The following KYNU variants were observed in gnomAD, a reference collection of about 807,000 sequenced individuals.
KYNU encodes L-kynurenine hydrolase.
A neutral mutation model predicts 59.2 loss-of-function variants in KYNU; 54 were observed. The observed-to-expected ratio is 0.91, with a 90% CI of 0.73 to 1.14. The LOEUF (loss-of-function observed/expected upper bound fraction) is 1.14, where lower values mean the gene tolerates loss of function less well. Among genes scored for constraint, KYNU ranks in the 50% most tolerant of loss-of-function variants. The probability of loss-of-function intolerance (pLI) is 0.00; values close to 1 mark genes in which losing one functional copy is unlikely to be tolerated. For missense variants in KYNU, 567 were observed against 554.4 expected (o/e 1.02, Z -0.23); for synonymous variants, 177 against 192.0 (o/e 0.92, Z 0.65).
At chr2:142,964,722 T>C (rs1267845000) in intron 8 of KYNU, 1 of 152,172 alleles carries the variant, frequency 6.6e-6, no homozygotes, top group East Asian at 1.9e-4. Flanking sequence ...AGAAGAAAAC[T>C]AATTAATAAA....
Position 142,885,293 on chromosome 2 carries a change from T to G in KYNU, c.-19-56T>G. On this transcript the variant is annotated intron_variant, in intron 1 of 13. Coordinates refer to ENST00000264170, the MANE Select transcript of KYNU (RefSeq NM_003937.3). ...ACAAAAGGTGTATTACCTAAAGGGC[T>G]CATTTTCTACAGGAAAATTATGGTG... is the stretch of plus-strand genomic sequence containing the variant. 6 of 1,445,696 alleles carry G rather than the reference T, an allele frequency of 4.2e-6. No individual in the cohort carries two copies. The South Asian group carries it at 5.9e-5, about 14-fold the overall frequency. 89.6% of individuals were successfully genotyped at this position (1,445,696 alleles called of 1,614,324 possible).
chr2:142,878,971 T>C (rs1353021183), intron 1 of KYNU, among the ~76,000 whole-genome samples: 3 of 152,242 alleles, frequency 2.0e-5, no homozygotes, highest in African/African-American at 7.2e-5. Flanking sequence ...ATGGTATGTA[T>C]GTCCCCCGTC....
chr2:142,953,833 T>C (rs891032364), intron 4 of KYNU, among the ~76,000 whole-genome samples: 1 of 152,172 alleles, frequency 6.6e-6, no homozygotes, highest in Non-Finnish European at 1.5e-5. Flanking sequence ...AAATATAAAT[T>C]CTTAAATTAT....
intron 5 of KYNU, among the ~76,000 whole-genome samples, chr2:142,955,972 T>TC (rs1684148152): frequency 6.6e-6 from 1 of 152,092 alleles, no homozygotes; most frequent in Non-Finnish European, 1.5e-5. Context: ...ATTCACATTT[T>TC]CCCCCGAGTT....
chr2:142,938,248 TA>T (rs1487745635), intron 4 of KYNU, among the ~76,000 whole-genome samples: 1 of 152,226 alleles, frequency 6.6e-6, no homozygotes, highest in African/African-American at 2.4e-5. Flanking sequence ...TCCAAAACAG[TA>T]TCCTCCCATA....
intron 4 of KYNU, among the ~76,000 whole-genome samples, chr2:142,937,946 G>A (rs1205948271): frequency 5.3e-5 from 8 of 152,230 alleles, no homozygotes; most frequent in Non-Finnish European, 1.2e-4. Flanking sequence ...AGTCATTGAT[G>A]TAACTATCAC....
At chr2:143,031,452 C>T (rs757419470) in intron 11 of KYNU, among the ~76,000 whole-genome samples, 1 of 152,064 alleles carries the variant, frequency 6.6e-6, no homozygotes, top group African/African-American at 2.4e-5. Context: ...GGGCCTGGCA[C>T]GAAGACTCAC....
rs6710666 is a variant in KYNU at position 142,932,041 on chromosome 2, G to A, written c.373+4300G>A. On this transcript the variant is annotated intron_variant, in intron 4 of 13. Transcript: ENST00000264170. The stretch of plus-strand genomic sequence containing the variant: ...TGAGTGAGGTTTACTTGCCATTCTT[G>A]CCTTGGTACCTGGCCCCAGGCTTGG... Among the ~76,000 whole-genome samples the A allele has an allele frequency of 7.7e-3, 1,176 of 152,264 alleles. 14 individuals carry two copies. Among genetic ancestry groups the A allele is most frequent in the African/African-American group, 0.027 (1,102 of 41,552 alleles).
In KYNU at chr2:143,050,413, G is replaced by C. The variant is rs997421803; in HGVS notation, c.*8241G>C. On this transcript the variant is annotated 3_prime_UTR_variant, in exon 14 of 14. Transcript: ENST00000264170. ...ACGCGATGTTTGGTTTTCTGTTCCT[G>C]TGTTAATTTGCTGAGGATGATAGCT... is the stretch of plus-strand genomic sequence containing the variant. The C allele has an allele frequency of 1.3e-5, 2 of 152,010 alleles. No individual in the cohort carries two copies. Among genetic ancestry groups the C allele is most frequent in the South Asian group, 4.1e-4 (2 of 4,828 alleles). 9.4% of individuals were successfully genotyped at this position (152,010 alleles called of 1,614,324 possible).
chr2:142,924,656 GAA>G (rs1247470331), intron 3 of KYNU, among the ~76,000 whole-genome samples: 3 of 152,132 alleles, frequency 2.0e-5, no homozygotes, highest in Non-Finnish European at 4.4e-5. Context: ...AGATGTCTCA[GAA>G]AACACCCACT....
At chr2:142,947,369 G>A in intron 4 of KYNU, 1 of 787,642 alleles carries the variant, frequency 1.3e-6, no homozygotes, top group Non-Finnish European at 1.9e-6. Flanking sequence ...TTACTGTACT[G>A]TGTCTTTTTA....
At chr2:142,932,521 G>A (rs1458801077) in intron 4 of KYNU, among the ~76,000 whole-genome samples, 7 of 152,190 alleles carry the variant, frequency 4.6e-5, no homozygotes, top group Admixed American at 1.3e-4. Context: ...CTGATAGCTT[G>A]AAGGAGTTTG....
intron 10 of KYNU, among the ~76,000 whole-genome samples, chr2:143,029,085 T>C (rs1686664813): frequency 6.6e-6 from 1 of 152,178 alleles, no homozygotes. Context: ...AAACCGGTCA[T>C]TAACTATAAC....
intron 8 of KYNU, among the ~76,000 whole-genome samples, chr2:142,983,207 C>T (rs1685099734): frequency 6.6e-6 from 1 of 151,980 alleles, no homozygotes; most frequent in Non-Finnish European, 1.5e-5. Context: ...AGATTGAGTT[C>T]AGGTGAGGAT....
At chr2:142,974,337 A>T (rs1317801824) in intron 8 of KYNU, among the ~76,000 whole-genome samples, 2 of 152,246 alleles carry the variant, frequency 1.3e-5, no homozygotes, top group East Asian at 1.9e-4. Context: ...TATTCCTCTC[A>T]TGCTCAGTAA....
In KYNU at chr2:143,011,877, C is replaced by T. The variant is rs867714788; in HGVS notation, c.903-17750C>T. 5.0e-3 allele frequency among the ~76,000 whole-genome samples: 673 copies of T among 133,376 alleles called. 7 individuals carry two copies. Among genetic ancestry groups the T allele is most frequent in the African/African-American group, 0.019 (636 of 34,216 alleles). The allele number at this position is 133,376 out of a possible 152,430, so 87.5% of individuals were successfully genotyped here. ...GAATTGAACAATGAGATCACATGGA[C>T]ACAGGAAGGGGAATATCACACTCTG... On this transcript the variant is annotated intron_variant, in intron 10 of 13. Coordinates refer to ENST00000264170, the MANE Select transcript of KYNU (RefSeq NM_003937.3).
chr2:142,883,811 T>C (rs1681392890), intron 1 of KYNU, among the ~76,000 whole-genome samples: 1 of 152,242 alleles, frequency 6.6e-6, no homozygotes, highest in African/African-American at 2.4e-5. Flanking sequence ...GTTTTTCTAT[T>C]CTTCATTTAC....
At chr2:142,884,782 C>CTGCAACCT (rs1174400235) in intron 1 of KYNU, among the ~76,000 whole-genome samples, 1 of 141,044 alleles carries the variant, frequency 7.1e-6, no homozygotes, top group Non-Finnish European at 1.5e-5. Context: ...TCCCAGCTCA[C>CTGCAACCT]TGCAACCTCC....
At chr2:142,988,848 A>T (rs1473869688) in intron 10 of KYNU, 1 of 1,604,598 alleles carries the variant, frequency 6.2e-7, no homozygotes, top group Admixed American at 1.7e-5. Flanking sequence ...GCATTAGGAG[A>T]TCGGAGTTCT....
Sources: gnomAD v4.1 joint callset for allele counts (sites outside exome capture counted in the v4.1 genomes callset) on GRCh38, gnomAD v4.1.1 for gene constraint, MANE v1.5 for transcripts, NCBI Gene and HGNC (gene_info 2026-07-23, HGNC 2026-07-21) for gene names.